The following CDH2 variants were observed in gnomAD, a reference collection of about 807,000 sequenced individuals.
CDH2 encodes cadherin 2.
Under a neutral mutation model 92.0 loss-of-function variants are expected in CDH2, and 17 were observed. The ratio of observed to expected loss-of-function variants is 0.18; its 90% CI spans 0.13 to 0.28. The LOEUF (loss-of-function observed/expected upper bound fraction) is 0.28. CDH2 is among the 10% of genes least tolerant of loss of function. The pLI is 1.00. For synonymous variants in CDH2, 419 were observed against 415.9 expected (o/e 1.01, Z -0.09); for missense variants, 862 against 1,133.1 (o/e 0.76, Z 3.44).
intron 2 of CDH2, among the ~76,000 whole-genome samples, chr18:28,110,386 C>T (rs1599108200): frequency 2.0e-5 from 3 of 152,274 alleles, no homozygotes; most frequent in Admixed American, 2.0e-4. Flanking sequence ...ACTGCTGCAG[C>T]CACTTCAGCC....
intron 2 of CDH2, among the ~76,000 whole-genome samples, chr18:28,088,103 T>C (rs1471733374): frequency 6.6e-6 from 1 of 152,198 alleles, no homozygotes; most frequent in Non-Finnish European, 1.5e-5. Flanking sequence ...GAAAATTAAA[T>C]ACTACCTTGA....
intron 2 of CDH2, among the ~76,000 whole-genome samples, chr18:28,074,538 G>A (rs2014681518): frequency 6.6e-6 from 1 of 152,004 alleles, no homozygotes; most frequent in South Asian, 2.1e-4. Context: ...GAGCCACCAC[G>A]CCCGGACGGG....
intron 1 of CDH2, among the ~76,000 whole-genome samples, chr18:28,151,018 T>C (rs1336161667): frequency 6.6e-6 from 1 of 152,218 alleles, no homozygotes; most frequent in Non-Finnish European, 1.5e-5. Context: ...GGAGGCTTAC[T>C]TTGCACCAAG....
chr18:27,947,065 A>G (rs550260919), downstream of CDH2, among the ~76,000 whole-genome samples: 48 of 151,890 alleles, frequency 3.2e-4, no homozygotes, highest in Non-Finnish European at 4.9e-4. Context: ...ACTGCTACTA[A>G]TGGTACAGAA....
At chr18:28,136,786 C>T (rs1407952531) in intron 2 of CDH2, among the ~76,000 whole-genome samples, 6 of 152,138 alleles carry the variant, frequency 3.9e-5, no homozygotes, top group Non-Finnish European at 1.5e-5. Context: ...GAAATACACG[C>T]TAAGACCAAA....
chr18:28,029,399 C>T (rs2013636914), intron 2 of CDH2, among the ~76,000 whole-genome samples: 1 of 151,438 alleles, frequency 6.6e-6, no homozygotes, highest in African/African-American at 2.4e-5. Flanking sequence ...TTTATGCTTA[C>T]TAAATTTTTA....
chr18:28,118,746 T>G (rs1387522373), intron 2 of CDH2, among the ~76,000 whole-genome samples: 1 of 150,900 alleles, frequency 6.6e-6, no homozygotes, highest in Admixed American at 6.6e-5. Context: ...ATTGACATAT[T>G]CCACTAATTT....
At chr18:28,051,492 A>G (rs964629716) in intron 2 of CDH2, among the ~76,000 whole-genome samples, 21 of 152,316 alleles carry the variant, frequency 1.4e-4, no homozygotes, top group African/African-American at 5.1e-4. Flanking sequence ...GGTAAGAGAA[A>G]GTGATTTCCA....
chr18:28,085,231 G>A (rs953191842), intron 2 of CDH2, among the ~76,000 whole-genome samples: 1 of 151,884 alleles, frequency 6.6e-6, no homozygotes, highest in African/African-American at 2.4e-5. Flanking sequence ...TCCCGCCACC[G>A]GCCTTATCTT....
At chr18:27,941,140 A>G (rs1909129383) in intron 6 of CDH2, among the ~76,000 whole-genome samples, 1 of 145,798 alleles carries the variant, frequency 6.9e-6, no homozygotes, top group Non-Finnish European at 1.5e-5. Context: ...GGTTCACGCC[A>G]TTCTCCTGCC....
At chr18:28,044,877 GTGTA>G (rs879488588) in intron 2 of CDH2, among the ~76,000 whole-genome samples, 14 of 149,140 alleles carry the variant, frequency 9.4e-5, no homozygotes, top group Non-Finnish European at 1.6e-4. Flanking sequence ...GTGTGTGTGT[GTGTA>G]AACAGGTCCT....
intron 2 of CDH2, among the ~76,000 whole-genome samples, chr18:28,082,076 T>G (rs1353298853): frequency 6.6e-6 from 1 of 152,170 alleles, no homozygotes; most frequent in Admixed American, 6.5e-5. Flanking sequence ...AAATGACTGA[T>G]CTAATATTTT....
downstream of CDH2, among the ~76,000 whole-genome samples, chr18:27,947,212 A>G (rs995059300): frequency 6.6e-6 from 1 of 151,814 alleles, no homozygotes; most frequent in Non-Finnish European, 1.5e-5. Flanking sequence ...CAGTAACAGG[A>G]GAAATAAAAG....
At chr18:28,074,062 T>C (rs531017362) in intron 2 of CDH2, among the ~76,000 whole-genome samples, 1 of 152,312 alleles carries the variant, frequency 6.6e-6, no homozygotes, top group African/African-American at 2.4e-5. Flanking sequence ...ATTTTTAAAA[T>C]TAATTTTTGG....
chr18:27,975,768 C>G (rs1487089504), intron 14 of CDH2, among the ~76,000 whole-genome samples: 1 of 152,126 alleles, frequency 6.6e-6, no homozygotes, highest in African/African-American at 2.4e-5. Flanking sequence ...GAATTCTTGT[C>G]TGGTACCCAA....
chr18:28,044,850 C>CGTGT (rs68093312), intron 2 of CDH2, among the ~76,000 whole-genome samples: 21,505 of 148,380 alleles, frequency 0.14, 1,716 homozygotes, highest in South Asian at 0.27. Flanking sequence ...TATATAACAT[C>CGTGT]GTGTGTGTGT....
intron 2 of CDH2, among the ~76,000 whole-genome samples, chr18:28,109,438 C>T (rs760641621): frequency 6.6e-5 from 10 of 152,192 alleles, no homozygotes; most frequent in East Asian, 1.9e-4. Flanking sequence ...ACAGTTCATG[C>T]GGTAGTTAAA....
At chr18:28,157,273 G>T (rs1278985734) in intron 1 of CDH2, among the ~76,000 whole-genome samples, 1 of 152,160 alleles carries the variant, frequency 6.6e-6, no homozygotes, top group Non-Finnish European at 1.5e-5. Flanking sequence ...AAATAGTATA[G>T]CACTTGGCAT....
rs1296884547 is a variant in CDH2 at position 28,080,519 on chromosome 18, AC to A, written c.173-66611del. Among the ~76,000 whole-genome samples the A allele has an allele frequency of 2.0e-5, 3 of 152,342 alleles. No homozygotes were observed. The East Asian group carries it at 5.8e-4, about 29-fold the overall frequency. On this transcript the variant is annotated intron_variant, in intron 2 of 15. Transcript: ENST00000269141. The stretch of plus-strand genomic sequence containing the variant: ...TCAAAAATTAACAAAGCATAAGACA[AC>A]AGAAAAAGAAATACTTAAAAAAACC...
Sources: allele counts gnomAD v4.1 joint callset (sites outside exome capture counted in the v4.1 genomes callset), GRCh38; gene constraint gnomAD v4.1.1; transcripts MANE v1.5; gene names NCBI Gene and HGNC (gene_info 2026-07-23, HGNC 2026-07-21).